Variants in F2 observed in about 807,000 individuals in gnomAD.
F2 encodes the protein prothrombin.
Under a neutral mutation model 81.9 loss-of-function variants are expected in F2, and 34 were observed. The observed-to-expected ratio is 0.42, with a 90% CI of 0.32 to 0.55. The LOEUF (loss-of-function observed/expected upper bound fraction) is 0.55. Among genes scored for constraint, F2 ranks in the 20% least tolerant of loss-of-function variants. The pLI, the probability that F2 is intolerant of heterozygous loss-of-function variation, is 0.18. For synonymous variants in F2, 296 were observed against 326.4 expected (o/e 0.91, Z 1.01); for missense variants, 630 against 833.4 (o/e 0.76, Z 3.00).
intron 12 of F2, among the ~76,000 whole-genome samples, chr11:46,732,839 C>A (rs1052484495): frequency 1.3e-5 from 2 of 152,140 alleles, no homozygotes; most frequent in African/African-American, 4.8e-5. Context: ...TCTGGCACAG[C>A]AAAATGATTC....
rs2134532512 is a variant in F2 at position 46,726,456 on chromosome 11, A to C, written c.875-42A>C. Reference sequence around the variant, plus strand: ...GGGGGGATCTAGGGGATGGGTGAGGAATGGCCCAGCCCAGTCCCAGCCGGT... The same window carrying C: ...GGGGGGATCTAGGGGATGGGTGAGGCATGGCCCAGCCCAGTCCCAGCCGGT... On this transcript the variant is annotated intron_variant, in intron 7 of 13. Transcript: ENST00000311907. The surrounding 1 kb of genome is among the most constrained non-coding windows in gnomAD (Gnocchi z 5.9). The C allele has an allele frequency of 1.2e-6, 2 of 1,600,572 alleles. No individual in the cohort carries two copies. Among genetic ancestry groups the C allele is most frequent in the Non-Finnish European group, 1.7e-6 (2 of 1,173,620 alleles).
chr11:46,722,153 T>G (rs2064841548), intron 4 of F2, among the ~76,000 whole-genome samples: 1 of 152,168 alleles, frequency 6.6e-6, no homozygotes, highest in Admixed American at 6.5e-5. Context: ...CCTCATTTGT[T>G]AAATTACGTA....
rs2064868585 is a variant in F2, at chr11:46,725,899, A to C, written c.600A>C (p.Glu200Asp). ...QVTVAMTPRS[E>D]GSSVNLSPPL... is the part of the protein sequence containing the mutation. ...CTGTAGCGATGACTCCACGCTCCGA[A>C]GGCTCCAGTGTGAATCTGTCACCTC... The change falls in exon 7 of 14, where the codon GAA becomes GAC. Residue 200 changes from glutamate to aspartate, a missense_variant. Coordinates refer to ENST00000311907, the MANE Select transcript of F2 (RefSeq NM_000506.5). The C allele has an allele frequency of 6.2e-7, 1 of 1,613,442 alleles. No homozygotes were observed. The highest frequency in any genetic ancestry group is 8.5e-7 in the Non-Finnish European group (1 of 1,180,026).
chr11:46,730,801 C>CATATATATATATATAT (rs1555157927), intron 12 of F2, among the ~76,000 whole-genome samples: 10 of 135,488 alleles, frequency 7.4e-5, no homozygotes, highest in Admixed American at 1.4e-4. Flanking sequence ...TATATATATG[C>CATATATATATATATAT]ATAGTTTGAG....
At chr11:46,738,992 G>C in intron 12 of F2, 56 bp from the exon 13 acceptor site, 1 of 1,587,344 alleles carries the variant, frequency 6.3e-7, no homozygotes. Context: ...CTCGTGAAGG[G>C]GCGTGGCTGG....
chr11:46,734,940 GTTTA>G (rs547389465), intron 12 of F2, among the ~76,000 whole-genome samples: 31 of 152,322 alleles, frequency 2.0e-4, no homozygotes, highest in African/African-American at 7.0e-4. Flanking sequence ...CTCATATGGA[GTTTA>G]TTTTTGTATC....
chr11:46,726,646 A>AG lies in F2; in HGVS notation c.1003+24dup, dbSNP rs1555157360. On this transcript the variant is annotated intron_variant, in intron 8 of 13. Transcript: ENST00000311907. The surrounding 1 kb of genome is among the most constrained non-coding windows in gnomAD (Gnocchi z 5.9). Reference sequence around the variant, plus strand: ...AGGCAGGTGAGGTAGTGGGCATCCGAGGGGATGCGGGGCTGCGGGGCTGGT... The same window carrying AG: ...AGGCAGGTGAGGTAGTGGGCATCCGAGGGGGATGCGGGGCTGCGGGGCTGGT... The AG allele has an allele frequency of 6.2e-7, 1 of 1,613,394 alleles. No homozygotes were observed. Among genetic ancestry groups the AG allele is most frequent in the South Asian group, 1.1e-5 (1 of 91,080 alleles).
At chr11:46,725,123 G>A (rs948185956) in intron 6 of F2, among the ~76,000 whole-genome samples, 12 of 136,928 alleles carry the variant, frequency 8.8e-5, no homozygotes, top group Non-Finnish European at 1.1e-4. Context: ...AGGCTGGAGT[G>A]CAGTGGCATA....
At chr11:46,732,046 G>T (rs2064916270) in intron 12 of F2, among the ~76,000 whole-genome samples, 1 of 150,654 alleles carries the variant, frequency 6.6e-6, no homozygotes, top group Admixed American at 6.7e-5. Flanking sequence ...CTCCCAAGTA[G>T]CAGGGATTAC....
At chr11:46,727,366 G>A (rs3136465) in intron 9 of F2, among the ~76,000 whole-genome samples, 2 of 152,186 alleles carry the variant, frequency 1.3e-5, no homozygotes, top group Non-Finnish European at 2.9e-5. Context: ...TGAGACTGAC[G>A]GAGCTGGTGG....
rs1377112772 is a variant in F2 at position 46,719,623 on chromosome 11, G to C, written c.80-79G>C. 6.5e-7 allele frequency: 1 copy of C among 1,526,836 alleles called. No homozygotes were observed. The highest frequency in any genetic ancestry group is 2.5e-5 in the East Asian group (1 of 40,794). 94.6% of individuals were successfully genotyped at this position (1,526,836 alleles called of 1,614,324 possible). On this transcript the variant is annotated intron_variant, in intron 1 of 13. Coordinates refer to ENST00000311907, the MANE Select transcript of F2 (RefSeq NM_000506.5). The surrounding 1 kb of genome is among the most constrained non-coding windows in gnomAD (Gnocchi z 4.7). ...CTCAGAAGCCAGCAGGGGAGGGTGGGCTTGCTTCATGCCCCCAGAATGGCC... is the reference window on the plus strand; with the variant it reads ...CTCAGAAGCCAGCAGGGGAGGGTGGCCTTGCTTCATGCCCCCAGAATGGCC...
chr11:46,728,186 G>C lies in F2; in HGVS notation c.1298+23G>C. 6.3e-7 allele frequency: 1 copy of C among 1,599,820 alleles called. No individual in the cohort carries two copies. The highest frequency in any genetic ancestry group is 1.3e-5 in the African/African-American group (1 of 74,884). ...CAGGTACAGAACTGGTGGCCCGTGG[G>C]TGTCTGGCAGGGGTCTGAGTCCTCC... On this transcript the variant is annotated intron_variant, in intron 10 of 13. Transcript: ENST00000311907. The surrounding 1 kb of genome is among the most constrained non-coding windows in gnomAD (Gnocchi z 5.1).
chr11:46,730,989 T>G (rs1390339178), intron 12 of F2, among the ~76,000 whole-genome samples: 1 of 152,048 alleles, frequency 6.6e-6, no homozygotes, highest in Non-Finnish European at 1.5e-5. Context: ...CAATCTCGGC[T>G]CACTGCAACC....
rs1306353758 is a variant in F2, at chr11:46,729,317, C to T, written c.1473-63C>T. On this transcript the variant is annotated intron_variant, in intron 11 of 13. Transcript: ENST00000311907. ...TTAGATTCTGGTCTCTAAGAAATGGCGTTGGGGCCAGGCGGCTCCTGTGGG... is the reference window on the plus strand; with the variant it reads ...TTAGATTCTGGTCTCTAAGAAATGGTGTTGGGGCCAGGCGGCTCCTGTGGG... 8 of 1,552,708 alleles carry T rather than the reference C, an allele frequency of 5.2e-6. No individual in the cohort carries two copies. In the African/African-American group the frequency reaches 5.4e-5, roughly 11 times the overall value.
At chr11:46,729,641 T>C in intron 12 of F2, 80 bp downstream of exon 12, 1 of 1,537,620 alleles carries the variant, frequency 6.5e-7, no homozygotes, top group Non-Finnish European at 8.9e-7. Flanking sequence ...TCAAGCCATG[T>C]GACTTTGAGC....
intron 12 of F2, among the ~76,000 whole-genome samples, chr11:46,734,766 G>A (rs190137144): frequency 1.3e-5 from 2 of 152,124 alleles, no homozygotes; most frequent in South Asian, 2.1e-4. Flanking sequence ...AGCAGAGATC[G>A]TGCCGCTGCA....
intron 12 of F2, among the ~76,000 whole-genome samples, chr11:46,737,897 A>AT (rs1288476149): frequency 1.3e-4 from 19 of 150,716 alleles, no homozygotes; most frequent in Non-Finnish European, 2.5e-4. Flanking sequence ...GCAGTGGCAC[A>AT]GTCATAGCTC....
At position 46,728,226 on chromosome 11, in the gene F2, G is replaced by A; in HGVS notation, c.1298+63G>A. 2 of 1,531,026 alleles carry A rather than the reference G, an allele frequency of 1.3e-6. No individual in the cohort carries two copies. Among genetic ancestry groups the A allele is most frequent in the Non-Finnish European group, 1.8e-6 (2 of 1,121,944 alleles). The allele number at this position is 1,531,026 out of a possible 1,614,324, so 94.8% of individuals were successfully genotyped here. On this transcript the variant is annotated intron_variant, in intron 10 of 13. Coordinates refer to ENST00000311907, the MANE Select transcript of F2 (RefSeq NM_000506.5). This position sits in a 1 kb window ranked among gnomAD's most constrained non-coding sequence, Gnocchi z 5.1. Reference sequence around the variant, plus strand: ...CTGAGTCCTCCAAAGCGATCATGAGGGGCCCTGGTGGCTCCGGGACACATA... The same window carrying A: ...CTGAGTCCTCCAAAGCGATCATGAGAGGCCCTGGTGGCTCCGGGACACATA...
intron 6 of F2, among the ~76,000 whole-genome samples, chr11:46,724,244 G>T (rs1254261401): frequency 2.0e-5 from 3 of 152,144 alleles, no homozygotes; most frequent in African/African-American, 7.2e-5. Flanking sequence ...CCCCTTCCCT[G>T]AGGCAGACCA....
Sources: gnomAD v4.1 joint callset for allele counts (sites outside exome capture counted in the v4.1 genomes callset) on GRCh38, gnomAD v4.1.1 for gene constraint, Gnocchi (gnomAD v3.1) non-coding constraint, MANE v1.5 for transcripts, NCBI Gene and HGNC (gene_info 2026-07-23, HGNC 2026-07-21) for gene names.